Variants in HMGB1 observed in about 807,000 individuals in gnomAD.
The protein encoded by HMGB1 is high mobility group box 1.
For synonymous variants in HMGB1, 81 were observed against 84.0 expected (o/e 0.96, Z 0.19); for missense variants, 79 against 253.5 (o/e 0.31, Z 4.67).
At chr13:30,483,603 G>T (rs1328210654) in intron 1 of HMGB1, among the ~76,000 whole-genome samples, 2 of 137,674 alleles carry the variant, frequency 1.5e-5, no homozygotes, top group East Asian at 4.4e-4. Context: ...GCCCACAAGA[G>T]AACGTGCAAA....
At position 30,528,757 on chromosome 13, in the gene HMGB1, G is replaced by A. The variant is rs140661742; in HGVS notation, c.-14-65063C>T. Among the ~76,000 whole-genome samples the A allele has an allele frequency of 5.6e-3, 853 of 152,082 alleles. 7 individuals are homozygous for A. Among genetic ancestry groups the A allele is most frequent in the African/African-American group, 0.015 (642 of 41,508 alleles). On this transcript the variant is annotated intron_variant, in intron 1 of 4. Transcript: ENST00000405805. The stretch of plus-strand genomic sequence containing the variant: ...AAGATTGAATTTTGGGGCCGGGCGC[G>A]GTGGCTCACTCCTGTAATCCCAGCA...
intron 1 of HMGB1, among the ~76,000 whole-genome samples, chr13:30,541,310 G>A (rs1180792909): frequency 6.6e-6 from 1 of 152,056 alleles, no homozygotes; most frequent in Non-Finnish European, 1.5e-5. Context: ...CATGGGCAAC[G>A]TAGCGAGACT....
chr13:30,461,430 T>C lies in HMGB1; in HGVS notation c.575A>G (p.Glu192Gly). The change falls in exon 5 of 5, where the codon GAA (glutamate) becomes GGA (glycine). Residue 192 changes from glutamate (E) to glycine (G), a missense_variant. By Grantham distance (98) the Glu-to-Gly change is moderately conservative. Coordinates refer to ENST00000341423, the MANE Select transcript of HMGB1 (RefSeq NM_002128.7). ...CTCCTCCTCCTCATCCTCTTCATCT[T>C]CCTCATCTTCCTCCTCTTCCTTCTT... ...KKKKEEEEDE[E>G]DEEDEEEEED... 3 of 1,595,512 alleles carry C rather than the reference T, an allele frequency of 1.9e-6. No homozygotes were observed. Among genetic ancestry groups the C allele is most frequent in the Non-Finnish European group, 2.6e-6 (3 of 1,171,434 alleles).
intron 1 of HMGB1, among the ~76,000 whole-genome samples, chr13:30,565,005 C>T (rs1323559011): frequency 6.6e-6 from 1 of 152,174 alleles, no homozygotes; most frequent in Non-Finnish European, 1.5e-5. Flanking sequence ...GTACATAGTC[C>T]TGGCTGGGCA....
intron 1 of HMGB1, among the ~76,000 whole-genome samples, chr13:30,503,767 T>G (rs1173780982): frequency 1.3e-5 from 2 of 151,478 alleles, no homozygotes; most frequent in Non-Finnish European, 1.5e-5. Context: ...ATAAAGGTAT[T>G]GCAGGGCTGG....
At chr13:30,595,780 T>A (rs907347387) in intron 1 of HMGB1, among the ~76,000 whole-genome samples, 5 of 152,164 alleles carry the variant, frequency 3.3e-5, no homozygotes, top group Non-Finnish European at 7.3e-5. Flanking sequence ...TAGTTTCTTA[T>A]CACATGGACC....
At chr13:30,553,966 T>C in intron 1 of HMGB1, 1 of 1,484,928 alleles carries the variant, frequency 6.7e-7, no homozygotes, top group Non-Finnish European at 9.4e-7. Flanking sequence ...CATTTCTGGC[T>C]TACGGTTTGG....
At chr13:30,471,413 T>C (rs1282322178) in intron 1 of HMGB1, among the ~76,000 whole-genome samples, 2 of 152,144 alleles carry the variant, frequency 1.3e-5, no homozygotes, top group African/African-American at 4.8e-5. Context: ...AGTGGCGCGA[T>C]CTCGGCTCAC....
intron 1 of HMGB1, among the ~76,000 whole-genome samples, chr13:30,558,057 A>T (rs1869764390): frequency 6.6e-6 from 1 of 152,186 alleles, no homozygotes. Flanking sequence ...AATTAGCAGC[A>T]TACAACTTCC....
chr13:30,515,987 A>G (rs1384632724), intron 1 of HMGB1, among the ~76,000 whole-genome samples: 1 of 152,196 alleles, frequency 6.6e-6, no homozygotes, highest in African/African-American at 2.4e-5. Flanking sequence ...TTTTATTTAA[A>G]AAGTCTGGCA....
chr13:30,494,841 TTC>T (rs924537630), intron 1 of HMGB1, among the ~76,000 whole-genome samples: 2 of 152,156 alleles, frequency 1.3e-5, no homozygotes, highest in Non-Finnish European at 2.9e-5. Context: ...ACATTCTACT[TTC>T]TGTCTCTATG....
At chr13:30,553,909 G>T (rs1335910962) in intron 1 of HMGB1, 1 of 1,395,964 alleles carries the variant, frequency 7.2e-7, no homozygotes, top group South Asian at 1.2e-5. Context: ...GAAGAGGCAC[G>T]AAGGAGTTAC....
chr13:30,614,624 T>C (rs1427300741), intron 1 of HMGB1, among the ~76,000 whole-genome samples: 2 of 152,218 alleles, frequency 1.3e-5, no homozygotes, highest in Admixed American at 6.5e-5. Flanking sequence ...TAGACTATTA[T>C]CACACCATCT....
upstream of HMGB1, among the ~76,000 whole-genome samples, chr13:30,470,082 C>CTATTTTTTTTTT (rs1886885098): frequency 6.6e-6 from 1 of 151,454 alleles, no homozygotes; most frequent in South Asian, 2.1e-4. Flanking sequence ...CTGGTGCTGG[C>CTATTTTTTTTTT]TATTTTTTTT....
At chr13:30,571,344 G>T (rs1870419042) in intron 1 of HMGB1, among the ~76,000 whole-genome samples, 1 of 151,262 alleles carries the variant, frequency 6.6e-6, no homozygotes, top group Admixed American at 6.6e-5. Context: ...GCCCAGGCTG[G>T]AGTGCAGTGG....
intron 1 of HMGB1, among the ~76,000 whole-genome samples, chr13:30,479,429 G>A (rs1249349883): frequency 1.3e-5 from 2 of 152,018 alleles, no homozygotes; most frequent in African/African-American, 2.4e-5. Context: ...ACCTCTTTCC[G>A]ATTTCACTAC....
intron 1 of HMGB1, among the ~76,000 whole-genome samples, chr13:30,533,908 G>A (rs1370827273): frequency 2.7e-5 from 4 of 148,080 alleles, no homozygotes; most frequent in Admixed American, 6.8e-5. Context: ...CTTGTTGCCC[G>A]GGCTGGAGTG....
chr13:30,505,874 G>T (rs1887853496), intron 1 of HMGB1, among the ~76,000 whole-genome samples: 1 of 152,012 alleles, frequency 6.6e-6, no homozygotes, highest in African/African-American at 2.4e-5. Context: ...AGGACATCAA[G>T]TAGACAGTTT....
chr13:30,615,097 A>C, intron 1 of HMGB1, among the ~76,000 whole-genome samples: 1 of 152,096 alleles, frequency 6.6e-6, no homozygotes, highest in East Asian at 1.9e-4. Flanking sequence ...TTGGATCACT[A>C]TACGGCTACA....
Sources: allele counts gnomAD v4.1 joint callset (sites outside exome capture counted in the v4.1 genomes callset), GRCh38; gene constraint gnomAD v4.1.1; transcripts MANE v1.5; gene names NCBI Gene and HGNC (gene_info 2026-07-23, HGNC 2026-07-21).